The following RTRAF variants were observed in gnomAD, a reference collection of about 807,000 sequenced individuals.
The protein encoded by RTRAF is RNA transcription, translation and transport factor, also known as tRNA-splicing ligase complex subunit RTRAF.
In RTRAF, 14 loss-of-function variants were observed where a neutral mutation model predicts 34.4. The observed-to-expected ratio is 0.41, with a 90% confidence interval of 0.27 to 0.64. The LOEUF (loss-of-function observed/expected upper bound fraction) is 0.64, where lower values mean the gene tolerates loss of function less well. Ranked by LOEUF, RTRAF falls within the 30% of genes least tolerant of loss-of-function variation. The probability of loss-of-function intolerance (pLI) is 0.34; values close to 1 mark genes in which losing one functional copy is unlikely to be tolerated. For synonymous variants in RTRAF, 96 were observed against 95.3 expected (o/e 1.01, Z -0.04); for missense variants, 291 against 288.4 (o/e 1.01, Z -0.06).
chr14:52,001,987 G>C (rs1308632282), intron 6 of RTRAF, 121 bp downstream of exon 6: 6 of 881,118 alleles, frequency 6.8e-6, no homozygotes, highest in Non-Finnish European at 5.1e-6. Flanking sequence ...CTTAGAGAAA[G>C]GATAGCTTAC....
chr14:52,004,086 C>T, intron 6 of RTRAF, 108 bp from the exon 7 acceptor site: 2 of 936,558 alleles, frequency 2.1e-6, no homozygotes, highest in Non-Finnish European at 3.3e-6. Flanking sequence ...GCCCATGCAG[C>T]TAAAAGAGTT....
At chr14:52,001,689 A>T in intron 5 of RTRAF, 109 bp from the exon 6 acceptor site, 1 of 758,962 alleles carries the variant, frequency 1.3e-6, no homozygotes, top group Non-Finnish European at 2.1e-6. Context: ...TAATGAACTT[A>T]GGTAATTCTG....
At position 52,005,455 on chromosome 14, in the gene RTRAF, A is replaced by C. The variant is rs191259770; in HGVS notation, c.*939A>C. On this transcript the variant is annotated 3_prime_UTR_variant, in exon 8 of 8. Coordinates refer to ENST00000261700, the MANE Select transcript of RTRAF (RefSeq NM_016039.3). ...TCTTTAGGGTCCAGGTTCTGATTGT[A>C]AACTCCAAGTCTTCCTTTACATTAC... The C allele has an allele frequency of 6.4e-7, 1 of 1,567,620 alleles. No homozygotes were observed. Among genetic ancestry groups the C allele is most frequent in the Non-Finnish European group, 8.6e-7 (1 of 1,161,440 alleles).
Position 52,009,491 on chromosome 14 carries a change from C to T in RTRAF, c.*4975C>T, listed in dbSNP as rs73284368. 933 of 152,244 alleles carry T rather than the reference C, an allele frequency of 6.1e-3. 8 individuals carry two copies. The highest frequency in any genetic ancestry group is 0.022 in the African/African-American group (897 of 41,526). The allele number at this position is 152,244 out of a possible 1,614,324, so 9.4% of individuals were successfully genotyped here. On this transcript the variant is annotated 3_prime_UTR_variant, in exon 8 of 8. Coordinates refer to ENST00000261700, the MANE Select transcript of RTRAF (RefSeq NM_016039.3). ...ACATGTGTTATATTGCAACCTGGTT[C>T]AAGGTGGGTTTTCTTTTTATTAAAA...
At chr14:51,989,815 A>G (rs1202040948) in intron 1 of RTRAF, 115 bp downstream of exon 1, 3 of 1,081,042 alleles carry the variant, frequency 2.8e-6, no homozygotes, top group African/African-American at 1.6e-5. Flanking sequence ...TTCCGCCGGC[A>G]GCCTCCGGGC....
rs764356223 is a variant in RTRAF, at chr14:52,005,458, C to T, written c.*942C>T. The T allele has an allele frequency of 4.4e-6, 7 of 1,575,766 alleles. No individual in the cohort carries two copies. The highest frequency in any genetic ancestry group is 6.0e-6 in the Non-Finnish European group (7 of 1,164,684). On this transcript the variant is annotated 3_prime_UTR_variant, in exon 8 of 8. Coordinates refer to ENST00000261700, the MANE Select transcript of RTRAF (RefSeq NM_016039.3). ...TTAGGGTCCAGGTTCTGATTGTAAACTCCAAGTCTTCCTTTACATTACTGT... is the reference window on the plus strand; with the variant it reads ...TTAGGGTCCAGGTTCTGATTGTAAATTCCAAGTCTTCCTTTACATTACTGT...
chr14:52,000,219 A>C (rs1055312924), intron 5 of RTRAF, among the ~76,000 whole-genome samples: 5 of 152,082 alleles, frequency 3.3e-5, no homozygotes, highest in Non-Finnish European at 5.9e-5. Context: ...CATAGTCTGC[A>C]TTTGTTAAGA....
rs1890682012 is a variant in RTRAF, at chr14:52,004,609, G to A, written c.*93G>A. The A allele has an allele frequency of 3.1e-6, 4 of 1,275,902 alleles. No homozygotes were observed. The South Asian group carries it at 6.6e-5, about 21-fold the overall frequency. 79.0% of individuals were successfully genotyped at this position (1,275,902 alleles called of 1,614,324 possible). On this transcript the variant is annotated 3_prime_UTR_variant, in exon 8 of 8. Coordinates refer to ENST00000261700, the MANE Select transcript of RTRAF (RefSeq NM_016039.3). ...GAAATCAAAATGTCACATTCTCGGG[G>A]GAGGAAGCCCAGAAAATTGGGTATG...
intron 3 of RTRAF, among the ~76,000 whole-genome samples, chr14:51,997,537 T>C (rs928589949): frequency 3.3e-5 from 5 of 151,960 alleles, no homozygotes; most frequent in African/African-American, 9.7e-5. Flanking sequence ...CCATAAGCAC[T>C]GTATAGCCTA....
rs1890704358 is a variant in RTRAF, at chr14:52,005,055, T to A, written c.*539T>A. 1 of 160,638 alleles carries A rather than the reference T, an allele frequency of 6.2e-6. No homozygotes were observed. The highest frequency in any genetic ancestry group is 2.4e-5 in the African/African-American group (1 of 41,706). 10.0% of individuals were successfully genotyped at this position (160,638 alleles called of 1,614,324 possible). A position where few individuals can be genotyped will look rare whatever the true frequency, so the allele number is the denominator to read the frequency against. On this transcript the variant is annotated 3_prime_UTR_variant, in exon 8 of 8. Transcript: ENST00000261700. ...TTGGTCCTTTCCCATCAGTTCTGCA[T>A]TGGCTTCTCCAACTGTCAAGGTTTA...
Position 52,009,041 on chromosome 14 carries a change from T to C in RTRAF, c.*4525T>C, listed in dbSNP as rs1397625127. ...TGAAAGCACTTTTTATAAAATACTA[T>C]TTTATAAAAGCTATAGAAGCTTTGA... On this transcript the variant is annotated 3_prime_UTR_variant, in exon 8 of 8. Coordinates refer to ENST00000261700, the MANE Select transcript of RTRAF (RefSeq NM_016039.3). The C allele has an allele frequency of 6.6e-6, 1 of 152,232 alleles. No homozygotes were observed. Among genetic ancestry groups the C allele is most frequent in the Non-Finnish European group, 1.5e-5 (1 of 68,036 alleles). 9.4% of individuals were successfully genotyped at this position (152,232 alleles called of 1,614,324 possible).
At position 52,007,650 on chromosome 14, in the gene RTRAF, A is replaced by T; in HGVS notation, c.*3134A>T. 1.4e-6 allele frequency: 1 copy of T among 695,060 alleles called. No individual in the cohort carries two copies. Among genetic ancestry groups the T allele is most frequent in the Non-Finnish European group, 2.5e-6 (1 of 406,570 alleles). The allele number at this position is 695,060 out of a possible 1,614,324, so 43.1% of individuals were successfully genotyped here. On this transcript the variant is annotated 3_prime_UTR_variant, in exon 8 of 8. Coordinates refer to ENST00000261700, the MANE Select transcript of RTRAF (RefSeq NM_016039.3). Reference sequence around the variant, plus strand: ...ACCCAAACCCCAGAAAGTTCATTTTAAGACTCATTTACTAGTACTTAAATT... The same window carrying T: ...ACCCAAACCCCAGAAAGTTCATTTTTAGACTCATTTACTAGTACTTAAATT...
In RTRAF at chr14:52,006,459, T is replaced by TG. The variant is rs1474875656; in HGVS notation, c.*1944dup. On this transcript the variant is annotated 3_prime_UTR_variant, in exon 8 of 8. Coordinates refer to ENST00000261700, the MANE Select transcript of RTRAF (RefSeq NM_016039.3). ...GGGCTTAATGAGTCAAGTCAGGTAC[T>TG]GACTTTTGGTAAAACAAGTGGTGTG... The TG allele has an allele frequency of 3.4e-5, 53 of 1,564,122 alleles. No individual in the cohort carries two copies. The highest frequency in any genetic ancestry group is 4.6e-5 in the Non-Finnish European group (53 of 1,147,342).
In RTRAF at chr14:52,005,685, T is replaced by A. The variant is rs189258040; in HGVS notation, c.*1169T>A. On this transcript the variant is annotated 3_prime_UTR_variant, in exon 8 of 8. Coordinates refer to ENST00000261700, the MANE Select transcript of RTRAF (RefSeq NM_016039.3). ...CAGGGGTAATCAAATACCATATATA[T>A]CCCTTCTCTACCCTGCTAATTTAAA... 7.8e-5 allele frequency: 114 copies of A among 1,461,542 alleles called. No homozygotes were observed. The African/African-American group carries it at 1.3e-3, about 16-fold the overall frequency. 90.5% of individuals were successfully genotyped at this position (1,461,542 alleles called of 1,614,324 possible).
Position 52,009,223 on chromosome 14 carries a change from G to T in RTRAF, c.*4707G>T. The T allele has an allele frequency of 6.6e-6, 1 of 152,194 alleles. No homozygotes were observed. The highest frequency in any genetic ancestry group is 1.9e-4 in the East Asian group (1 of 5,186). The allele number at this position is 152,194 out of a possible 1,614,324, so 9.4% of individuals were successfully genotyped here. On this transcript the variant is annotated 3_prime_UTR_variant, in exon 8 of 8. Coordinates refer to ENST00000261700, the MANE Select transcript of RTRAF (RefSeq NM_016039.3). Reference sequence around the variant, plus strand: ...AGTTTCCACTTTGCGCTAAGGTGGAGGTGGCCAGAGGGTACAGCATGCATA... The same window carrying T: ...AGTTTCCACTTTGCGCTAAGGTGGATGTGGCCAGAGGGTACAGCATGCATA...
rs1159011419 is a variant in RTRAF, at chr14:52,005,177, AGTT to A, written c.*663_*665del. 1 of 250,680 alleles carries A rather than the reference AGTT, an allele frequency of 4.0e-6. No homozygotes were observed. Among genetic ancestry groups the A allele is most frequent in the Non-Finnish European group, 7.6e-6 (1 of 132,264 alleles). 15.5% of individuals were successfully genotyped at this position (250,680 alleles called of 1,614,324 possible). A position where few individuals can be genotyped will look rare whatever the true frequency, so the allele number is the denominator to read the frequency against. ...TTTAGAGTCTTAAACTCTAATTCTT[AGTT>A]GAATGAATTTGATCTTTTAAATATT... On this transcript the variant is annotated 3_prime_UTR_variant, in exon 8 of 8. Transcript: ENST00000261700.
At position 51,999,481 on chromosome 14, in the gene RTRAF, G is replaced by A. The variant is rs147854505; in HGVS notation, c.374-227G>A. 3,749 of 390,716 alleles carry A rather than the reference G, an allele frequency of 9.6e-3. 27 individuals carry two copies. Among genetic ancestry groups the A allele is most frequent in the Non-Finnish European group, 0.013 (2,833 of 217,348 alleles). 24.2% of individuals were successfully genotyped at this position (390,716 alleles called of 1,614,324 possible). Reference sequence around the variant, plus strand: ...AAAATTACAAGTCTAACCATCCTAAGTTGGGGACCGTCTCATACAGTAATA... The same window carrying A: ...AAAATTACAAGTCTAACCATCCTAAATTGGGGACCGTCTCATACAGTAATA... On this transcript the variant is annotated intron_variant, in intron 4 of 7. Transcript: ENST00000261700.
At chr14:51,999,872 T>C in intron 5 of RTRAF, 76 bp downstream of exon 5, 5 of 1,010,234 alleles carry the variant, frequency 4.9e-6, no homozygotes, top group Non-Finnish European at 7.5e-6. Context: ...ATATTAACTA[T>C]TGATATTAAA....
At chr14:52,002,993 GTCAA>G (rs1318889236) in intron 6 of RTRAF, among the ~76,000 whole-genome samples, 8 of 150,260 alleles carry the variant, frequency 5.3e-5, no homozygotes, top group East Asian at 1.9e-4. Context: ...GTGTAATAAA[GTCAA>G]TCATTCATTC....
Sources: allele counts gnomAD v4.1 joint callset (sites outside exome capture counted in the v4.1 genomes callset), GRCh38; gene constraint gnomAD v4.1.1; transcripts MANE v1.5; gene names NCBI Gene and HGNC (gene_info 2026-07-23, HGNC 2026-07-21).